The following SLIT1 variants were observed in gnomAD, a reference collection of about 807,000 sequenced individuals.
The protein encoded by SLIT1 is slit guidance ligand 1.
SLIT1 carries 66 observed loss-of-function variants against 186.1 expected under a neutral mutation model. That is an observed-to-expected ratio of 0.35 (90% CI 0.29 to 0.44). The LOEUF is 0.44. Among genes scored for constraint, SLIT1 ranks in the 20% least tolerant of loss-of-function variants. The probability of loss-of-function intolerance (pLI) is 1.00; values close to 1 mark genes in which losing one functional copy is unlikely to be tolerated. For missense variants in SLIT1, 1,638 were observed against 2,037.4 expected, an observed-to-expected ratio of 0.80 and a Z score of 3.77; for synonymous variants, 761 against 833.8, an observed-to-expected ratio of 0.91 and a Z score of 1.50.
chr10:97,048,144 C>A (rs1425432016), intron 14 of SLIT1, 148 bp from the exon 15 acceptor site: 2 of 838,328 alleles, frequency 2.4e-6, no homozygotes, highest in African/African-American at 3.3e-5. Context: ...GAAGGGCGAG[C>A]TACAGAGCAC....
At chr10:97,030,942 C>T (rs932888908) in intron 24 of SLIT1, 114 bp from the exon 25 acceptor site, 4 of 854,682 alleles carry the variant, frequency 4.7e-6, no homozygotes, top group African/African-American at 1.7e-5. Flanking sequence ...TCCCTCTAGG[C>T]CTCTCAGTCA....
chr10:97,107,850 C>T (rs1228095037), intron 4 of SLIT1, among the ~76,000 whole-genome samples: 1 of 152,102 alleles, frequency 6.6e-6, no homozygotes, highest in African/African-American at 2.4e-5. Context: ...GGTGCCACTC[C>T]CACTGCCCAC....
At chr10:97,080,714 C>T (rs1478059093) in intron 4 of SLIT1, among the ~76,000 whole-genome samples, 1 of 152,212 alleles carries the variant, frequency 6.6e-6, no homozygotes, top group East Asian at 1.9e-4. Flanking sequence ...AAATGCAAAC[C>T]AGTCAACTCA....
intron 4 of SLIT1, among the ~76,000 whole-genome samples, chr10:97,092,031 G>C (rs1043695853): frequency 2.6e-5 from 4 of 152,238 alleles, no homozygotes; most frequent in African/African-American, 9.6e-5. Context: ...TTTATCTCAA[G>C]TTTTTGCTCG....
chr10:97,035,396 G>A (rs1022808579), intron 22 of SLIT1, among the ~76,000 whole-genome samples: 15 of 151,982 alleles, frequency 9.9e-5, no homozygotes, highest in African/African-American at 2.4e-4. Context: ...AACTCCGCCC[G>A]CATCTTGTTC....
intron 4 of SLIT1, among the ~76,000 whole-genome samples, chr10:97,089,425 G>A (rs916700218): frequency 6.6e-6 from 1 of 152,304 alleles, no homozygotes; most frequent in African/African-American, 2.4e-5. Flanking sequence ...TGGGGCTGCT[G>A]GGGCCCTCGG....
chr10:97,026,464 CTAAATAAATAAATAAA>C (rs10624448), intron 25 of SLIT1, among the ~76,000 whole-genome samples: 11 of 149,564 alleles, frequency 7.4e-5, no homozygotes, highest in South Asian at 4.3e-4. Context: ...AACTCCGTCT[CTAAATAAATAAATAAA>C]TAAATAAATA....
At chr10:97,118,313 C>G (rs1414477636) in intron 4 of SLIT1, among the ~76,000 whole-genome samples, 1 of 152,196 alleles carries the variant, frequency 6.6e-6, no homozygotes, top group Non-Finnish European at 1.5e-5. Context: ...TTTTGGGATG[C>G]CCATGAACTT....
rs983296250 is a variant in SLIT1 at position 96,998,616 on chromosome 10, C to T, written c.*2496G>A. On this transcript the variant is annotated 3_prime_UTR_variant, in exon 37 of 37. Coordinates refer to ENST00000266058, the MANE Select transcript of SLIT1 (RefSeq NM_003061.3). The stretch of plus-strand genomic sequence containing the variant: ...TGTGAATAGGCAACGTGAGTGCTGA[C>T]TCAGGTCCTTAGCAACTCGCTGGCT... 1 of 152,292 alleles carries T rather than the reference C, an allele frequency of 6.6e-6. No homozygotes were observed. Among genetic ancestry groups the T allele is most frequent in the Non-Finnish European group, 1.5e-5 (1 of 68,060 alleles). 9.4% of individuals were successfully genotyped at this position (152,292 alleles called of 1,614,324 possible).
rs1467177437 is a variant in SLIT1, at chr10:97,021,429, A to C, written c.2583-16T>G. 1 of 1,609,262 alleles carries C rather than the reference A, an allele frequency of 6.2e-7. No homozygotes were observed. Among genetic ancestry groups the C allele is most frequent in the Admixed American group, 1.7e-5 (1 of 59,730 alleles). ...ACCAATGGCCCTGAGCAGAAAGCAG[A>C]GAGAAGCAGGCATTACAGCTTCATG... is the stretch of plus-strand genomic sequence containing the variant. On this transcript the variant is annotated splice_polypyrimidine_tract_variant and intron_variant, in intron 25 of 36. Coordinates refer to ENST00000266058, the MANE Select transcript of SLIT1 (RefSeq NM_003061.3). The surrounding 1 kb of genome is among the most constrained non-coding windows in gnomAD (Gnocchi z 4.5).
intron 5 of SLIT1, 79 bp from the exon 6 acceptor site, chr10:97,064,955 C>T (rs527796871): frequency 4.5e-6 from 5 of 1,110,298 alleles, no homozygotes; most frequent in Admixed American, 4.1e-5. Flanking sequence ...ACCGCGTGCT[C>T]CATTCATTCA....
At chr10:97,106,615 T>C (rs1849417739) in intron 4 of SLIT1, among the ~76,000 whole-genome samples, 1 of 151,768 alleles carries the variant, frequency 6.6e-6, no homozygotes, top group African/African-American at 2.4e-5. Context: ...AATCTTTATT[T>C]GTAAATAAGG....
At chr10:97,096,705 G>A (rs1321029670) in intron 4 of SLIT1, among the ~76,000 whole-genome samples, 1 of 151,918 alleles carries the variant, frequency 6.6e-6, no homozygotes, top group Non-Finnish European at 1.5e-5. Flanking sequence ...GAGGCGGAGA[G>A]CCCCCTTCCC....
In SLIT1 at chr10:97,025,596, G is replaced by A. The variant is rs568970037; in HGVS notation, c.2583-4183C>T. On this transcript the variant is annotated intron_variant, in intron 25 of 36. Transcript: ENST00000266058. Reference sequence around the variant, plus strand: ...AGTGGGGAGTGCAGAGCCAAGGCCCGACTGAGATGTATTTGGTGGTCAGGG... The same window carrying A: ...AGTGGGGAGTGCAGAGCCAAGGCCCAACTGAGATGTATTTGGTGGTCAGGG... Among the ~76,000 whole-genome samples the A allele has an allele frequency of 2.6e-5, 4 of 152,258 alleles. No homozygotes were observed. The East Asian group carries it at 7.7e-4, about 29-fold the overall frequency.
At chr10:97,137,580 CCTT>C (rs1849715139) in intron 4 of SLIT1, among the ~76,000 whole-genome samples, 2 of 151,782 alleles carry the variant, frequency 1.3e-5, no homozygotes, top group African/African-American at 2.4e-5. Context: ...TTCTTTCTCT[CCTT>C]CTTTCCTTCT....
At chr10:97,174,154 C>T (rs1243008604) in intron 1 of SLIT1, among the ~76,000 whole-genome samples, 1 of 152,198 alleles carries the variant, frequency 6.6e-6, no homozygotes, top group African/African-American at 2.4e-5. Flanking sequence ...CTCTGGAGCT[C>T]GGACTGCCAT....
intron 5 of SLIT1, 116 bp downstream of exon 5, chr10:97,065,899 C>G: frequency 1.3e-6 from 1 of 747,822 alleles, no homozygotes; most frequent in Middle Eastern, 3.7e-4. Flanking sequence ...CTCTGAGAGC[C>G]CAGGTCAGCT....
chr10:97,045,603 G>A (rs1848727346), intron 18 of SLIT1, among the ~76,000 whole-genome samples: 1 of 152,230 alleles, frequency 6.6e-6, no homozygotes, highest in Non-Finnish European at 1.5e-5. Flanking sequence ...GCAGCTGACT[G>A]GACAGCCCCC....
intron 26 of SLIT1, among the ~76,000 whole-genome samples, chr10:97,020,232 T>C (rs1238855099): frequency 6.6e-6 from 1 of 151,836 alleles, no homozygotes. Flanking sequence ...CTCAACCTCC[T>C]AGAGTGCTAG....
Sources: gnomAD v4.1 joint callset for allele counts (sites outside exome capture counted in the v4.1 genomes callset) on GRCh38, gnomAD v4.1.1 for gene constraint, Gnocchi (gnomAD v3.1) non-coding constraint, MANE v1.5 for transcripts, NCBI Gene and HGNC (gene_info 2026-07-23, HGNC 2026-07-21) for gene names.